Variants in ZNF507 observed in about 807,000 individuals in gnomAD.
ZNF507 encodes zinc finger protein 507.
ZNF507 carries 29 observed loss-of-function variants against 80.0 expected under a neutral mutation model. That is an observed-to-expected ratio of 0.36 (90% CI 0.27 to 0.49). The LOEUF (loss-of-function observed/expected upper bound fraction) is 0.49. Ranked by LOEUF, ZNF507 falls within the 20% of genes least tolerant of loss-of-function variation. ZNF507 has a pLI of 0.98. For synonymous variants in ZNF507, 462 were observed against 422.5 expected (o/e 1.09, Z -1.15); for missense variants, 1,081 against 1,152.2 (o/e 0.94, Z 0.90).
At chr19:32,359,895 T>A (rs1383066841) in intron 4 of ZNF507, 1 of 152,202 alleles carries the variant, frequency 6.6e-6, no homozygotes, top group Non-Finnish European at 1.5e-5. Context: ...GCTTTTTTTT[T>A]GTAGGGTGAG....
chr19:32,374,188 A>ACACACT (rs57164942), intron 5 of ZNF507, among the ~76,000 whole-genome samples: 33 of 145,724 alleles, frequency 2.3e-4, no homozygotes, highest in African/African-American at 8.4e-4. Flanking sequence ...ACACACACAC[A>ACACACT]CTCTCTCTCT....
chr19:32,359,012 G>A (rs1967287503), intron 4 of ZNF507: 1 of 152,232 alleles, frequency 6.6e-6, no homozygotes, highest in East Asian at 1.9e-4. Flanking sequence ...CTCATTCTGT[G>A]CTATATTAAG....
rs1380880353 is a variant in ZNF507, at chr19:32,384,159, T to C, written c.*1076T>C. On this transcript the variant is annotated 3_prime_UTR_variant, in exon 7 of 7. Transcript: ENST00000355898. ...GGAATATAACCAAATGTGACTAAAATATAGCAGAAATTCAGGTTGTTTGTA... is the reference window on the plus strand; with the variant it reads ...GGAATATAACCAAATGTGACTAAAACATAGCAGAAATTCAGGTTGTTTGTA... 2.6e-5 allele frequency: 4 copies of C among 152,296 alleles called. No individual in the cohort carries two copies. In the East Asian group the frequency reaches 7.7e-4, roughly 29 times the overall value. 9.4% of individuals were successfully genotyped at this position (152,296 alleles called of 1,614,324 possible). A position where few individuals can be genotyped will look rare whatever the true frequency, so the allele number is the denominator to read the frequency against.
chr19:32,356,523 G>A (rs1967254310), intron 3 of ZNF507, 93 bp from the exon 4 acceptor site: 1 of 796,046 alleles, frequency 1.3e-6, no homozygotes, highest in African/African-American at 1.7e-5. Context: ...CGTTGTACTA[G>A]GCCATGAAAG....
chr19:32,371,434 C>T (rs1193128325), intron 5 of ZNF507, among the ~76,000 whole-genome samples: 1 of 146,070 alleles, frequency 6.8e-6, no homozygotes, highest in African/African-American at 2.5e-5. Context: ...AGATCAATTG[C>T]ACCATTGCAC....
chr19:32,381,951 T>G (rs576718109), intron 5 of ZNF507: 1 of 152,280 alleles, frequency 6.6e-6, no homozygotes, highest in African/African-American at 2.4e-5. Flanking sequence ...ATAGAAACTT[T>G]TTAAGATTAT....
rs760963664 is a variant in ZNF507, at chr19:32,354,199, G to A, written c.1369G>A (p.Gly457Ser). The A allele has an allele frequency of 6.2e-6, 10 of 1,613,508 alleles. No homozygotes were observed. The highest frequency in any genetic ancestry group is 7.6e-6 in the Non-Finnish European group (9 of 1,180,030). ...CTVDIGGLII[G>S]WSSSEKKDEL... is the part of the protein sequence containing the mutation. ...TGTTGATATTGGGGGATTGATCATA[G>A]GCTGGAGCAGTTCAGAGAAAAAAGA... Residue 457 changes from glycine (G) to serine (S), a missense_variant, in exon 3 of 7, where the codon GGC (glycine) becomes AGC (serine). Around this residue, in one of 6 missense-constraint regions of ZNF507, gnomAD observed 614 missense variants for 583.9 expected, o/e 1.05. Transcript: ENST00000355898.
intron 2 of ZNF507, 87 bp from the exon 3 acceptor site, chr19:32,352,742 C>A: frequency 8.5e-7 from 1 of 1,179,080 alleles, no homozygotes; most frequent in Non-Finnish European, 1.2e-6. Flanking sequence ...AGATTACAGA[C>A]ACTAACATTC....
chr19:32,369,944 C>CTGTG (rs148147046), intron 5 of ZNF507, among the ~76,000 whole-genome samples: 1 of 151,872 alleles, frequency 6.6e-6, no homozygotes, highest in Non-Finnish European at 1.5e-5. Flanking sequence ...CCTTCCTTCT[C>CTGTG]TGTGTGTGTG....
chr19:32,384,384 GT>G lies in ZNF507; in HGVS notation c.*1306del, dbSNP rs1197361818. Reference sequence around the variant, plus strand: ...TTTCAAGGAGTGAAGAAAACAGGGTGTTTTTGTTTTTGTAGTTCTGATTACT... The same window carrying G: ...TTTCAAGGAGTGAAGAAAACAGGGTGTTTTGTTTTTGTAGTTCTGATTACT... On this transcript the variant is annotated 3_prime_UTR_variant, in exon 7 of 7. Coordinates refer to ENST00000355898, the MANE Select transcript of ZNF507 (RefSeq NM_001136156.2). 3 of 152,164 alleles carry G rather than the reference GT, an allele frequency of 2.0e-5. No individual in the cohort carries two copies. Among genetic ancestry groups the G allele is most frequent in the Non-Finnish European group, 4.4e-5 (3 of 68,030 alleles). The allele number at this position is 152,164 out of a possible 1,614,324, so 9.4% of individuals were successfully genotyped here.
At chr19:32,352,749 A>G (rs779231910) in intron 2 of ZNF507, 80 bp from the exon 3 acceptor site, 5 of 1,277,446 alleles carry the variant, frequency 3.9e-6, no homozygotes, top group Non-Finnish European at 5.4e-6. Flanking sequence ...AGACACTAAC[A>G]TTCTCTTATA....
intron 5 of ZNF507, among the ~76,000 whole-genome samples, chr19:32,376,509 G>A (rs1395227793): frequency 5.3e-5 from 8 of 152,178 alleles, no homozygotes; most frequent in Admixed American, 4.6e-4. Flanking sequence ...CTTGAGGTGT[G>A]GCAGCAGGAC....
At position 32,354,942 on chromosome 19, in the gene ZNF507, A is replaced by G. The variant is rs61749472; in HGVS notation, c.2112A>G (p.Glu704=). ...TATACCAGTGCAAGCAGTGTGAAGA[A>G]TCCTTCCATTATAAGGTAAGCATTG... ...TRIYQCKQCE[E]SFHYKSQLRN... is the part of the protein sequence containing the mutation. The change falls in exon 3 of 7, where the codon GAA becomes GAG. Residue 704 remains glutamate (E), a synonymous_variant. Coordinates refer to ENST00000355898, the MANE Select transcript of ZNF507 (RefSeq NM_001136156.2). The G allele has an allele frequency of 4.5e-4, 730 of 1,606,850 alleles. 4 individuals are homozygous for G. In the African/African-American group the frequency reaches 8.9e-3, roughly 20 times the overall value.
At chr19:32,352,284 A>G (rs903325567) in intron 2 of ZNF507, among the ~76,000 whole-genome samples, 2 of 152,176 alleles carry the variant, frequency 1.3e-5, no homozygotes, top group Non-Finnish European at 2.9e-5. Context: ...TAGTTTCACA[A>G]TTTCAAAGAT....
rs1187609492 is a variant in ZNF507, at chr19:32,352,896, T to G, written c.66T>G (p.Thr22=). The change falls in exon 3 of 7, where the codon ACT becomes ACG. Residue 22 remains threonine (T), a synonymous_variant. Coordinates refer to ENST00000355898, the MANE Select transcript of ZNF507 (RefSeq NM_001136156.2). ...PDIGEQEAIL[T]AESIISPSLE... The stretch of plus-strand genomic sequence containing the variant: ...TTGGGGAACAGGAAGCTATACTGAC[T>G]GCTGAAAGTATCATCAGTCCTTCAT... The G allele has an allele frequency of 4.3e-6, 7 of 1,613,122 alleles. No individual in the cohort carries two copies. Among genetic ancestry groups the G allele is most frequent in the Non-Finnish European group, 5.9e-6 (7 of 1,179,790 alleles).
intron 5 of ZNF507, among the ~76,000 whole-genome samples, chr19:32,375,385 A>G (rs141539602): frequency 3.9e-5 from 6 of 152,352 alleles, no homozygotes; most frequent in African/African-American, 1.4e-4. Flanking sequence ...CTCCCAGTTC[A>G]CAAGAAACAT....
At chr19:32,366,741 T>C (rs1967404497) in intron 5 of ZNF507, among the ~76,000 whole-genome samples, 1 of 152,366 alleles carries the variant, frequency 6.6e-6, no homozygotes, top group African/African-American at 2.4e-5. Context: ...AGGGGTGGAA[T>C]TTCTTGGTAA....
Position 32,354,796 on chromosome 19 carries a change from A to C in ZNF507, c.1966A>C (p.Ile656Leu). The C allele has an allele frequency of 6.2e-7, 1 of 1,614,202 alleles. No individual in the cohort carries two copies. Among genetic ancestry groups the C allele is most frequent in the South Asian group, 1.1e-5 (1 of 91,088 alleles). ...CTACACAAGTGGCAACAAGGGCTAC[A>C]TCAAGCAGCACTTACGAGTCCATCG... is the stretch of plus-strand genomic sequence containing the variant. Reference protein sequence around the residue: ...CHYTSGNKGYIKQHLRVHRQR... With the variant: ...CHYTSGNKGYLKQHLRVHRQR... The change falls in exon 3 of 7, where the codon ATC becomes CTC. Residue 656 changes from isoleucine (I) to leucine (L), a missense_variant. By Grantham distance (5) the Ile-to-Leu change is conservative. Coordinates refer to ENST00000355898, the MANE Select transcript of ZNF507 (RefSeq NM_001136156.2).
intron 5 of ZNF507, 37 bp from the exon 6 acceptor site, chr19:32,382,430 G>A (rs781244014): frequency 6.2e-7 from 1 of 1,608,372 alleles, no homozygotes; most frequent in African/African-American, 1.3e-5. Flanking sequence ...GATGTTATGG[G>A]ACCGTTCTGA....
Sources: allele counts gnomAD v4.1 joint callset (sites outside exome capture counted in the v4.1 genomes callset), GRCh38; gene constraint gnomAD v4.1.1; regional missense constraint gnomAD v4.1.1; transcripts MANE v1.5; gene names NCBI Gene and HGNC (gene_info 2026-07-23, HGNC 2026-07-21).